The following ERCC8 variants were observed in gnomAD, a reference collection of about 807,000 sequenced individuals.
The protein encoded by ERCC8 is DNA excision repair protein ERCC-8.
Under a neutral mutation model 54.9 loss-of-function variants are expected in ERCC8, and 52 were observed. The ratio of observed to expected loss-of-function variants is 0.95; its 90% confidence interval spans 0.76 to 1.19. ERCC8 has a LOEUF of 1.19. ERCC8 is among the 50% of genes most tolerant of loss of function. The pLI, the probability that ERCC8 is intolerant of heterozygous loss-of-function variation, is 0.00. For synonymous variants in ERCC8, 146 were observed against 157.2 expected, an observed-to-expected ratio of 0.93 and a Z score of 0.53; for missense variants, 514 against 466.1, an observed-to-expected ratio of 1.10 and a Z score of -0.95.
Position 60,874,450 on chromosome 5 carries a change from T to A in ERCC8, c.*165A>T. 1.5e-6 allele frequency: 1 copy of A among 652,290 alleles called. No homozygotes were observed. The highest frequency in any genetic ancestry group is 2.8e-5 in the East Asian group (1 of 35,862). The allele number at this position is 652,290 out of a possible 1,614,324, so 40.4% of individuals were successfully genotyped here. A position where few individuals can be genotyped will look rare whatever the true frequency, so the allele number is the denominator to read the frequency against. ...TGACTAAATAAACTATACAGAAGTC[T>A]GTTTTAGGATTTTATGCAAATATTA... On this transcript the variant is annotated 3_prime_UTR_variant, in exon 12 of 12. Transcript: ENST00000676185.
intron 11 of ERCC8, among the ~76,000 whole-genome samples, chr5:60,886,205 C>T (rs994941768): frequency 2.0e-5 from 3 of 151,914 alleles, no homozygotes; most frequent in Non-Finnish European, 4.4e-5. Context: ...TATCTTCCTA[C>T]TGCTTGATGT....
intron 1 of ERCC8, among the ~76,000 whole-genome samples, chr5:60,930,227 C>T (rs923652182): frequency 2.0e-5 from 3 of 151,786 alleles, no homozygotes; most frequent in Non-Finnish European, 4.4e-5. Flanking sequence ...GTGAGGAGTT[C>T]GAGACCAGCC....
chr5:60,938,748 A>G (rs750586154), intron 1 of ERCC8, among the ~76,000 whole-genome samples: 18 of 152,222 alleles, frequency 1.2e-4, no homozygotes, highest in Non-Finnish European at 1.9e-4. Context: ...TAAGGGATGT[A>G]AAGTCATGTA....
intron 2 of ERCC8, among the ~76,000 whole-genome samples, chr5:60,923,497 A>G (rs1749660398): frequency 1.3e-5 from 2 of 152,108 alleles, no homozygotes; most frequent in African/African-American, 4.8e-5. Flanking sequence ...CCTAAAAGCC[A>G]TAATGTTTAA....
intron 5 of ERCC8, 108 bp downstream of exon 5, chr5:60,904,659 TATATATATATATATATATATATATA>T: frequency 7.2e-6 from 1 of 138,952 alleles, no homozygotes; most frequent in Non-Finnish European, 1.4e-5. Context: ...TATATATATA[TATATATATATATATATATATATATA>T]AAATTGTGAT....
chr5:60,880,005 G>A (rs1312147437), intron 11 of ERCC8, among the ~76,000 whole-genome samples: 11 of 152,198 alleles, frequency 7.2e-5, no homozygotes, highest in South Asian at 2.1e-4. Flanking sequence ...GGCTGGTACC[G>A]GTTGTTCCTT....
At position 60,871,883 on chromosome 5, in the gene ERCC8, C is replaced by T. The variant is rs974407605; in HGVS notation, c.*2732G>A. Among the ~76,000 whole-genome samples, 2 of 152,232 alleles carry T rather than the reference C, an allele frequency of 1.3e-5. No homozygotes were observed. Among genetic ancestry groups the T allele is most frequent in the South Asian group, 2.1e-4 (1 of 4,814 alleles). On this transcript the variant is annotated 3_prime_UTR_variant, in exon 12 of 12. Coordinates refer to ENST00000676185, the MANE Select transcript of ERCC8 (RefSeq NM_000082.4). ...TGACACGATCTTGGCTCAATGCAGC[C>T]GTGACTTTACAGGTTCAAGTGATTC...
At chr5:60,881,603 C>A (rs1277277333) in intron 11 of ERCC8, among the ~76,000 whole-genome samples, 1 of 152,216 alleles carries the variant, frequency 6.6e-6, no homozygotes, top group Non-Finnish European at 1.5e-5. Context: ...GCAGTTTGAT[C>A]TCAGACTGCT....
intron 4 of ERCC8, among the ~76,000 whole-genome samples, chr5:60,910,135 G>A (rs1445878059): frequency 6.6e-6 from 1 of 152,026 alleles, no homozygotes; most frequent in Admixed American, 6.6e-5. Context: ...ACTGTGATGG[G>A]GGTCAGCTTC....
At chr5:60,879,821 T>C (rs1748147148) in intron 11 of ERCC8, among the ~76,000 whole-genome samples, 1 of 152,252 alleles carries the variant, frequency 6.6e-6, no homozygotes, top group African/African-American at 2.4e-5. Context: ...CTTTATCCAA[T>C]TTGCCAGTCT....
In ERCC8 at chr5:60,881,025, C is replaced by T. The variant is rs575436431; in HGVS notation, c.1123-6342G>A. Among the ~76,000 whole-genome samples, 1,125 of 152,136 alleles carry T rather than the reference C, an allele frequency of 7.4e-3. 12 individuals carry two copies. The highest frequency in any genetic ancestry group is 0.026 in the African/African-American group (1,061 of 41,510). Reference sequence around the variant, plus strand: ...TACCTTTGGTCTTTGATGATGGTGACGTACAGATGGGGTTTTGGTGTGGAT... The same window carrying T: ...TACCTTTGGTCTTTGATGATGGTGATGTACAGATGGGGTTTTGGTGTGGAT... On this transcript the variant is annotated intron_variant, in intron 11 of 11. Coordinates refer to ENST00000676185, the MANE Select transcript of ERCC8 (RefSeq NM_000082.4).
intron 11 of ERCC8, among the ~76,000 whole-genome samples, chr5:60,879,998 T>C (rs1330852147): frequency 6.6e-6 from 1 of 152,250 alleles, no homozygotes; most frequent in Non-Finnish European, 1.5e-5. Flanking sequence ...TTGCAGTGGC[T>C]GGTACCGGTT....
chr5:60,906,110 A>C (rs1012091086), intron 4 of ERCC8, among the ~76,000 whole-genome samples: 3 of 152,140 alleles, frequency 2.0e-5, no homozygotes, highest in Non-Finnish European at 2.9e-5. Context: ...TAATTGGGGA[A>C]GTTATATATC....
chr5:60,867,539 ATATG>A lies in ERCC8; in HGVS notation c.*7072_*7075del, dbSNP rs1314467472. ...CCATAATACTCTGAATTTTGCATAT[ATATG>A]TAAGAAACCATTAGAATATTACAAT... On this transcript the variant is annotated 3_prime_UTR_variant, in exon 12 of 12. Coordinates refer to ENST00000676185, the MANE Select transcript of ERCC8 (RefSeq NM_000082.4). Among the ~76,000 whole-genome samples, 1 of 152,236 alleles carries A rather than the reference ATATG, an allele frequency of 6.6e-6. No homozygotes were observed. Among genetic ancestry groups the A allele is most frequent in the Non-Finnish European group, 1.5e-5 (1 of 68,042 alleles).
At chr5:60,934,068 T>C (rs1372283768) in intron 1 of ERCC8, among the ~76,000 whole-genome samples, 1 of 152,212 alleles carries the variant, frequency 6.6e-6, no homozygotes, top group African/African-American at 2.4e-5. Flanking sequence ...ATCTTTTTTG[T>C]ATAATGACTT....
intron 7 of ERCC8, among the ~76,000 whole-genome samples, chr5:60,900,151 T>C (rs1748834326): frequency 1.3e-5 from 2 of 152,114 alleles, no homozygotes; most frequent in Non-Finnish European, 2.9e-5. Flanking sequence ...TGGTATGATT[T>C]GGTGTTTTTT....
At chr5:60,914,415 CTT>C (rs1554074289) in intron 4 of ERCC8, among the ~76,000 whole-genome samples, 1 of 150,650 alleles carries the variant, frequency 6.6e-6, no homozygotes, top group African/African-American at 2.4e-5. Flanking sequence ...GCAACCCCTG[CTT>C]TTTTTTTGCT....
At chr5:60,879,903 T>C (rs1032648333) in intron 11 of ERCC8, among the ~76,000 whole-genome samples, 6 of 152,232 alleles carry the variant, frequency 3.9e-5, no homozygotes, top group African/African-American at 1.4e-4. Context: ...TTTGATCCTG[T>C]CATGATGACA....
chr5:60,931,147 G>T (rs1244538200), intron 1 of ERCC8, among the ~76,000 whole-genome samples: 1 of 151,600 alleles, frequency 6.6e-6, no homozygotes. Flanking sequence ...ACTACTCATT[G>T]TAATAGGTAG....
Sources: gnomAD v4.1 joint callset for allele counts (sites outside exome capture counted in the v4.1 genomes callset) on GRCh38, gnomAD v4.1.1 for gene constraint, MANE v1.5 for transcripts, NCBI Gene and HGNC (gene_info 2026-07-23, HGNC 2026-07-21) for gene names.